The following GABRB1 variants were observed in gnomAD, a reference collection of about 807,000 sequenced individuals.
The protein encoded by GABRB1 is gamma-aminobutyric acid type A receptor subunit beta1, also known as gamma-aminobutyric acid receptor subunit beta-1.
Under a neutral mutation model 51.6 loss-of-function variants are expected in GABRB1, and 17 were observed. The observed-to-expected ratio is 0.33, with a 90% CI of 0.23 to 0.49. GABRB1 has a LOEUF of 0.49. Among genes scored for constraint, GABRB1 ranks in the 20% least tolerant of loss-of-function variants. GABRB1 has a pLI of 0.99. For missense variants in GABRB1, 410 were observed against 600.6 expected, an observed-to-expected ratio of 0.68 and a Z score of 3.32; for synonymous variants, 247 against 218.9, an observed-to-expected ratio of 1.13 and a Z score of -1.14.
intron 3 of GABRB1, among the ~76,000 whole-genome samples, chr4:47,131,990 G>A (rs958221997): frequency 6.6e-6 from 1 of 151,708 alleles, no homozygotes; most frequent in African/African-American, 2.4e-5. Context: ...GTTGACTACT[G>A]CCTCAGAAAG....
intron 3 of GABRB1, among the ~76,000 whole-genome samples, chr4:47,077,863 T>A (rs1407821867): frequency 7.8e-5 from 11 of 140,932 alleles, no homozygotes; most frequent in East Asian, 5.9e-4. Flanking sequence ...TTTATATATT[T>A]TATATATATT....
At chr4:47,150,322 AC>A in intron 3 of GABRB1, among the ~76,000 whole-genome samples, 1 of 139,834 alleles carries the variant, frequency 7.2e-6, no homozygotes, top group Non-Finnish European at 1.5e-5. Flanking sequence ...ACACACACAC[AC>A]ACACACACAC....
At chr4:47,424,703 T>G (rs999521054) in intron 8 of GABRB1, among the ~76,000 whole-genome samples, 4 of 152,210 alleles carry the variant, frequency 2.6e-5, no homozygotes, top group African/African-American at 9.6e-5. Flanking sequence ...TGGAAGTACT[T>G]CAAGCTCATT....
At chr4:47,078,630 T>C (rs2109561290) in intron 3 of GABRB1, among the ~76,000 whole-genome samples, 1 of 152,340 alleles carries the variant, frequency 6.6e-6, no homozygotes, top group East Asian at 1.9e-4. Context: ...ACGAGATTAC[T>C]TTGATCATCT....
rs150192906 is a variant in GABRB1, at chr4:47,193,024, C to T, written c.461+31555C>T. 5.6e-4 allele frequency among the ~76,000 whole-genome samples: 85 copies of T among 152,276 alleles called. 1 individual carries two copies. In the East Asian group the frequency reaches 0.014, roughly 25 times the overall value. On this transcript the variant is annotated intron_variant, in intron 4 of 8. Coordinates refer to ENST00000295454, the MANE Select transcript of GABRB1 (RefSeq NM_000812.4). ...TACTCAGGCTTCAGAGCCTGCATGCCTAACCATGTATTGAGGAAGCTTTTA... is the reference window on the plus strand; with the variant it reads ...TACTCAGGCTTCAGAGCCTGCATGCTTAACCATGTATTGAGGAAGCTTTTA...
intron 4 of GABRB1, among the ~76,000 whole-genome samples, chr4:47,223,216 A>G (rs911829149): frequency 1.3e-5 from 2 of 152,112 alleles, no homozygotes; most frequent in African/African-American, 2.4e-5. Flanking sequence ...TTTTTTACCA[A>G]TCTACTTAGA....
chr4:47,384,079 T>C (rs905537932), intron 5 of GABRB1, among the ~76,000 whole-genome samples: 3 of 152,074 alleles, frequency 2.0e-5, no homozygotes, highest in Non-Finnish European at 4.4e-5. Context: ...AACAGGCAAT[T>C]TCTAGAACGT....
chr4:47,232,804 A>G (rs1721189524), intron 4 of GABRB1, among the ~76,000 whole-genome samples: 1 of 151,998 alleles, frequency 6.6e-6, no homozygotes, highest in African/African-American at 2.4e-5. Context: ...TACTTCAAAA[A>G]TGATTCTCAA....
At chr4:47,327,945 T>C (rs1725317914) in intron 5 of GABRB1, among the ~76,000 whole-genome samples, 1 of 152,230 alleles carries the variant, frequency 6.6e-6, no homozygotes, top group Non-Finnish European at 1.5e-5. Flanking sequence ...AAAGTGTTCC[T>C]ATTTCTCCAC....
rs567927787 is a variant in GABRB1, at chr4:47,408,302, T to C, written c.1080+1376T>C. Among the ~76,000 whole-genome samples the C allele has an allele frequency of 1.8e-4, 27 of 152,286 alleles. No homozygotes were observed. In the South Asian group the frequency reaches 5.6e-3, roughly 32 times the overall value. ...AGGCTCTGAGGCAGGAATTCCTGTG[T>C]GTTTAAATACTGAGAGAAGACCGGT... On this transcript the variant is annotated intron_variant, in intron 8 of 8. Transcript: ENST00000295454.
intron 5 of GABRB1, among the ~76,000 whole-genome samples, chr4:47,327,348 A>G (rs968161152): frequency 6.6e-6 from 1 of 151,714 alleles, no homozygotes; most frequent in Non-Finnish European, 1.5e-5. Flanking sequence ...AAAAAAGAGT[A>G]GGATCTCTTA....
In GABRB1 at chr4:47,328,413, C is replaced by T. The variant is rs371534437; in HGVS notation, c.544+8204C>T. ...ATGCCTATGTCCTGAATGGTCTTGC[C>T]TAGGTTTTCTTCTAGGGTTTTATAA... is the stretch of plus-strand genomic sequence containing the variant. On this transcript the variant is annotated intron_variant, in intron 5 of 8. Transcript: ENST00000295454. Among the ~76,000 whole-genome samples the T allele has an allele frequency of 7.9e-5, 12 of 152,268 alleles. No individual in the cohort carries two copies. The East Asian group carries it at 2.3e-3, about 29-fold the overall frequency.
At position 47,249,967 on chromosome 4, in the gene GABRB1, G is replaced by A. The variant is rs192979858; in HGVS notation, c.462-70160G>A. ...GATGTGAGGTACGGTTGCATTCATC[G>A]TGTTATTTCTTGCCTGTGTACTTTG... On this transcript the variant is annotated intron_variant, in intron 4 of 8. Coordinates refer to ENST00000295454, the MANE Select transcript of GABRB1 (RefSeq NM_000812.4). 5.3e-3 allele frequency among the ~76,000 whole-genome samples: 806 copies of A among 152,132 alleles called. 8 individuals are homozygous for A. Among genetic ancestry groups the A allele is most frequent in the Admixed American group, 0.013 (204 of 15,270 alleles).
chr4:47,173,144 AG>A (rs1317994533), intron 4 of GABRB1, among the ~76,000 whole-genome samples: 1 of 152,182 alleles, frequency 6.6e-6, no homozygotes, highest in African/African-American at 2.4e-5. Flanking sequence ...TTTTAAATAA[AG>A]TTGTATAAAG....
At chr4:47,194,210 T>C (rs905210429) in intron 4 of GABRB1, among the ~76,000 whole-genome samples, 1 of 152,226 alleles carries the variant, frequency 6.6e-6, no homozygotes, top group Admixed American at 6.5e-5. Flanking sequence ...GACGTCATTT[T>C]GTCAGATGGT....
intron 3 of GABRB1, among the ~76,000 whole-genome samples, chr4:47,067,377 A>G (rs1183841232): frequency 1.3e-5 from 2 of 152,222 alleles, no homozygotes; most frequent in African/African-American, 4.8e-5. Flanking sequence ...CTGTGAAGGG[A>G]AGGCAGATAT....
chr4:47,087,949 C>T (rs1475433356), intron 3 of GABRB1, among the ~76,000 whole-genome samples: 1 of 152,118 alleles, frequency 6.6e-6, no homozygotes, highest in African/African-American at 2.4e-5. Context: ...ACTTAGGGGC[C>T]TGAGAGACAT....
chr4:47,245,030 C>A (rs779408414), intron 4 of GABRB1, among the ~76,000 whole-genome samples: 12 of 152,066 alleles, frequency 7.9e-5, no homozygotes, highest in Non-Finnish European at 1.3e-4. Flanking sequence ...TACAAAAAAA[C>A]CATTCAAAAA....
chr4:47,260,626 CT>C (rs1284201330), intron 4 of GABRB1, among the ~76,000 whole-genome samples: 1 of 152,138 alleles, frequency 6.6e-6, no homozygotes, highest in Non-Finnish European at 1.5e-5. Context: ...GTTGAAAATT[CT>C]TTTCTTTAAA....
Sources: gnomAD v4.1 joint callset for allele counts (sites outside exome capture counted in the v4.1 genomes callset) on GRCh38, gnomAD v4.1.1 for gene constraint, MANE v1.5 for transcripts, NCBI Gene and HGNC (gene_info 2026-07-23, HGNC 2026-07-21) for gene names.